SBNO1: variants seen among roughly 807,000 people sequenced by gnomAD.
The protein encoded by SBNO1 is protein strawberry notch homolog 1.
In SBNO1, 23 loss-of-function variants were observed where a neutral mutation model predicts 173.6. The observed-to-expected ratio is 0.13, with a 90% CI of 0.10 to 0.19. The LOEUF is 0.19. SBNO1 is among the 10% of genes least tolerant of loss of function. The pLI is 1.00. For missense variants in SBNO1, 1,238 were observed against 1,671.2 expected, an observed-to-expected ratio of 0.74 and a Z score of 4.52; for synonymous variants, 632 against 571.5, an observed-to-expected ratio of 1.11 and a Z score of -1.51.
chr12:123,364,301 C>A, intron 1 of SBNO1: 1 of 985,662 alleles, frequency 1.0e-6, no homozygotes, highest in African/African-American at 1.7e-5. Flanking sequence ...TTACTTTCCC[C>A]GCGGGTCCCG....
intron 16 of SBNO1, among the ~76,000 whole-genome samples, chr12:123,322,766 C>T (rs1340914664): frequency 2.0e-5 from 3 of 151,156 alleles, no homozygotes; most frequent in African/African-American, 4.8e-5. Context: ...ATTAGCAGGG[C>T]GTGGTGGTGC....
At chr12:123,311,214 A>C in intron 24 of SBNO1, 85 bp from the exon 25 acceptor site, 1 of 951,356 alleles carries the variant, frequency 1.1e-6, no homozygotes. Context: ...TGTTGTAAGT[A>C]GTATCATGCC....
intron 5 of SBNO1, among the ~76,000 whole-genome samples, chr12:123,340,351 C>T (rs1170771475): frequency 1.3e-5 from 2 of 151,948 alleles, no homozygotes; most frequent in Admixed American, 6.6e-5. Flanking sequence ...GAGGCTGAGG[C>T]GGGCAGATTA....
At chr12:123,312,286 T>C (rs1034146132) in intron 24 of SBNO1, among the ~76,000 whole-genome samples, 1 of 152,122 alleles carries the variant, frequency 6.6e-6, no homozygotes, top group Non-Finnish European at 1.5e-5. Flanking sequence ...AGTGAAGGTG[T>C]AGGGTTAAGA....
At chr12:123,346,261 C>G (rs1432401103) in intron 3 of SBNO1, among the ~76,000 whole-genome samples, 1 of 152,170 alleles carries the variant, frequency 6.6e-6, no homozygotes, top group Non-Finnish European at 1.5e-5. Flanking sequence ...CCCCAAAAGA[C>G]TAGTAACAGA....
chr12:123,325,619 T>C lies in SBNO1; in HGVS notation c.1876-20A>G. On this transcript the variant is annotated intron_variant, in intron 14 of 31. Transcript: ENST00000602398. ...AACACACTGGAGAAAAAAGAAAACA[T>C]GTTAATTATGAATAATAATGTTTGT... 6 of 1,430,478 alleles carry C rather than the reference T, an allele frequency of 4.2e-6. No homozygotes were observed. The highest frequency in any genetic ancestry group is 5.9e-6 in the Non-Finnish European group (6 of 1,021,352). 88.6% of individuals were successfully genotyped at this position (1,430,478 alleles called of 1,614,324 possible).
chr12:123,317,174 T>C, intron 21 of SBNO1, 47 bp downstream of exon 21: 2 of 1,604,436 alleles, frequency 1.2e-6, no homozygotes, highest in Non-Finnish European at 1.7e-6. Flanking sequence ...TTTACCCCAA[T>C]GATTCCTAGC....
chr12:123,361,046 C>G (rs1015324665), intron 1 of SBNO1, among the ~76,000 whole-genome samples: 1 of 151,964 alleles, frequency 6.6e-6, no homozygotes, highest in South Asian at 2.1e-4. Flanking sequence ...GAGATTGAAA[C>G]AATCCTGGTC....
chr12:123,317,205 G>C lies in SBNO1; in HGVS notation c.2935+16C>G. ...CTAGCTATCCATTAAGTGAAATCCA[G>C]TTTGTAGGAACTTACCGAACTGTTG... On this transcript the variant is annotated intron_variant, in intron 21 of 31. Transcript: ENST00000602398. The C allele has an allele frequency of 6.2e-7, 1 of 1,613,260 alleles. No individual in the cohort carries two copies. Among genetic ancestry groups the C allele is most frequent in the Non-Finnish European group, 8.5e-7 (1 of 1,179,398 alleles).
At chr12:123,347,319 C>T (rs962100816) in intron 3 of SBNO1, among the ~76,000 whole-genome samples, 4 of 149,872 alleles carry the variant, frequency 2.7e-5, no homozygotes, top group African/African-American at 4.9e-5. Context: ...TTCTACCTCC[C>T]GGGTACATGC....
At chr12:123,329,874 G>C (rs1013118318) in intron 9 of SBNO1, among the ~76,000 whole-genome samples, 15 of 152,166 alleles carry the variant, frequency 9.9e-5, no homozygotes, top group Admixed American at 3.9e-4. Context: ...AGTCAATAAA[G>C]ATTTGCTAAC....
chr12:123,299,039 G>A (rs2048694625), intron 30 of SBNO1, among the ~76,000 whole-genome samples: 1 of 152,110 alleles, frequency 6.6e-6, no homozygotes, highest in Non-Finnish European at 1.5e-5. Context: ...CCTGGCCAAC[G>A]TGGAGAAACC....
chr12:123,345,058 A>C (rs1234945034), intron 4 of SBNO1, among the ~76,000 whole-genome samples, 200 bp downstream of exon 4: 5 of 152,228 alleles, frequency 3.3e-5, no homozygotes, highest in African/African-American at 1.2e-4. Flanking sequence ...TAGAAATCAC[A>C]TTTCAAAGCT....
chr12:123,317,493 T>C, intron 20 of SBNO1, 137 bp from the exon 21 acceptor site: 1 of 764,290 alleles, frequency 1.3e-6, no homozygotes, highest in South Asian at 1.8e-5. Context: ...TATTTCCCAG[T>C]CTCCCTTACG....
At chr12:123,352,343 C>G (rs1218639313) in intron 1 of SBNO1, among the ~76,000 whole-genome samples, 1 of 152,200 alleles carries the variant, frequency 6.6e-6, no homozygotes, top group African/African-American at 2.4e-5. Flanking sequence ...CGCAGTTTCG[C>G]TCTTGTTGCC....
At chr12:123,309,087 G>T (rs200017751) in intron 28 of SBNO1, among the ~76,000 whole-genome samples, 1 of 43,298 alleles carries the variant, frequency 2.3e-5, no homozygotes, top group Admixed American at 4.0e-4. Flanking sequence ...GAAAAAAAAA[G>T]AAGAAAATGT....
In SBNO1 at chr12:123,294,853, T is replaced by C. The variant is rs898078981; in HGVS notation, c.*1055A>G. 6.6e-6 allele frequency: 1 copy of C among 150,902 alleles called. No individual in the cohort carries two copies. Among genetic ancestry groups the C allele is most frequent in the East Asian group, 1.9e-4 (1 of 5,204 alleles). 9.3% of individuals were successfully genotyped at this position (150,902 alleles called of 1,614,324 possible). On this transcript the variant is annotated 3_prime_UTR_variant, in exon 32 of 32. Transcript: ENST00000602398. ...CTACGTCTTACAACACATTAAACAA[T>C]ATTCAAGTTACTGAGTAACAACAAT... is the stretch of plus-strand genomic sequence containing the variant.
Position 123,325,466 on chromosome 12 carries a change from A to G in SBNO1, c.1973+36T>C, listed in dbSNP as rs1395569118. The G allele has an allele frequency of 2.0e-6, 3 of 1,486,678 alleles. No homozygotes were observed. In the South Asian group the frequency reaches 3.4e-5, roughly 17 times the overall value. 92.1% of individuals were successfully genotyped at this position (1,486,678 alleles called of 1,614,324 possible). The stretch of plus-strand genomic sequence containing the variant: ...GGAACTAAGGTAAGGAAGAACTCAA[A>G]AAGAAACAAAAACATTAAAAGAACA... On this transcript the variant is annotated intron_variant, in intron 15 of 31. Coordinates refer to ENST00000602398, the MANE Select transcript of SBNO1 (RefSeq NM_001167856.3).
rs1157698484 is a variant in SBNO1, at chr12:123,345,849, A to C, written c.238-279T>G. 2.0e-5 allele frequency among the ~76,000 whole-genome samples: 3 copies of C among 151,966 alleles called. No individual in the cohort carries two copies. In the East Asian group the frequency reaches 5.8e-4, roughly 29 times the overall value. On this transcript the variant is annotated intron_variant, in intron 3 of 31. Coordinates refer to ENST00000602398, the MANE Select transcript of SBNO1 (RefSeq NM_001167856.3). ...CATGCCCGGCAAATTTTTTTTAGAGATAAGAGTCTCCCTATGTTGCTCAGG... is the reference window on the plus strand; with the variant it reads ...CATGCCCGGCAAATTTTTTTTAGAGCTAAGAGTCTCCCTATGTTGCTCAGG...
Sources: allele counts gnomAD v4.1 joint callset (sites outside exome capture counted in the v4.1 genomes callset), GRCh38; gene constraint gnomAD v4.1.1; transcripts MANE v1.5; gene names NCBI Gene and HGNC (gene_info 2026-07-23, HGNC 2026-07-21).